The following DVL3 variants were observed in gnomAD, a reference collection of about 807,000 sequenced individuals.
The protein encoded by DVL3 is dishevelled segment polarity protein 3, also known as segment polarity protein dishevelled homolog DVL-3.
Under a neutral mutation model 67.4 loss-of-function variants are expected in DVL3, and 27 were observed. The observed-to-expected ratio is 0.40, with a 90% confidence interval of 0.30 to 0.55. The LOEUF is 0.55. DVL3 is among the 20% of genes least tolerant of loss of function. DVL3 has a pLI of 0.46. For synonymous variants in DVL3, 369 were observed against 396.8 expected, an observed-to-expected ratio of 0.93 and a Z score of 0.83; for missense variants, 819 against 1,021.5, an observed-to-expected ratio of 0.80 and a Z score of 2.70.
At position 184,167,220 on chromosome 3, in the gene DVL3, C is replaced by A. The variant is rs780122784; in HGVS notation, c.1198+245C>A. Among the ~76,000 whole-genome samples, 1 of 152,130 alleles carries A rather than the reference C, an allele frequency of 6.6e-6. No homozygotes were observed. Among genetic ancestry groups the A allele is most frequent in the Non-Finnish European group, 1.5e-5 (1 of 68,030 alleles). On this transcript the variant is annotated intron_variant, in intron 11 of 14. Coordinates refer to ENST00000313143, the MANE Select transcript of DVL3 (RefSeq NM_004423.4). The surrounding 1 kb of genome is among the most constrained non-coding windows in gnomAD (Gnocchi z 4.6). The stretch of plus-strand genomic sequence containing the variant: ...GTTTCCTCTTACAAAATGGGACTCA[C>A]GATATAAACTTTACCAGGTTCCTGT...
rs896517683 is a variant in DVL3 at position 184,166,270 on chromosome 3, C to A, written c.903+5C>A. On this transcript the variant is annotated splice_donor_5th_base_variant and intron_variant, in intron 8 of 14. Coordinates refer to ENST00000313143, the MANE Select transcript of DVL3 (RefSeq NM_004423.4). This position sits in a 1 kb window ranked among gnomAD's most constrained non-coding sequence, Gnocchi z 6.7. ...CCAGGAGATATGTTGTTACAGGTATCAGTGCCCATCCTAGGCGGTGGTGTG... is the reference window on the plus strand; with the variant it reads ...CCAGGAGATATGTTGTTACAGGTATAAGTGCCCATCCTAGGCGGTGGTGTG... The A allele has an allele frequency of 1.1e-5, 18 of 1,612,066 alleles. No individual in the cohort carries two copies. The highest frequency in any genetic ancestry group is 1.5e-5 in the Non-Finnish European group (18 of 1,179,268).
chr3:184,158,775 T>C (rs1016519457), intron 1 of DVL3, among the ~76,000 whole-genome samples: 3 of 135,524 alleles, frequency 2.2e-5, no homozygotes, highest in Admixed American at 2.1e-4. Context: ...TTTAAATTTT[T>C]TTTCTTTTTT....
intron 1 of DVL3, chr3:184,156,583 G>A (rs1462365047): frequency 4.9e-6 from 2 of 410,684 alleles, no homozygotes; most frequent in Non-Finnish European, 9.7e-6. Flanking sequence ...CTCCCTGGTG[G>A]GGTCTTCCCT....
Position 184,164,534 on chromosome 3 carries a change from C to G in DVL3, c.396C>G (p.Asp132Glu). Reference sequence around the variant, plus strand: ...GCAGCCAGGAGAACCTGGACAATGACACAGAGACGGACTCTTTGGTGTCTG... The same window carrying G: ...GCAGCCAGGAGAACCTGGACAATGAGACAGAGACGGACTCTTTGGTGTCTG... ...GGGSQENLDN[D>E]TETDSLVSAQ... Residue 132 changes from aspartate to glutamate, a missense_variant, in exon 4 of 15, where the codon GAC becomes GAG. Coordinates refer to ENST00000313143, the MANE Select transcript of DVL3 (RefSeq NM_004423.4). This position sits in a 1 kb window ranked among gnomAD's most constrained non-coding sequence, Gnocchi z 5.3. The G allele has an allele frequency of 6.3e-7, 1 of 1,587,724 alleles. No individual in the cohort carries two copies. The highest frequency in any genetic ancestry group is 8.6e-7 in the Non-Finnish European group (1 of 1,167,184).
chr3:184,170,787 C>T lies in DVL3; in HGVS notation c.*32C>T. The stretch of plus-strand genomic sequence containing the variant: ...CCCCTCCCCCAGCTCCATTCCGCTC[C>T]CACCCCAGCCGGCTGCGTTCCTCTC... On this transcript the variant is annotated 3_prime_UTR_variant, in exon 15 of 15. Transcript: ENST00000313143. The surrounding 1 kb of genome is among the most constrained non-coding windows in gnomAD (Gnocchi z 6.5). 6.2e-7 allele frequency: 1 copy of T among 1,609,862 alleles called. No individual in the cohort carries two copies. The highest frequency in any genetic ancestry group is 8.5e-7 in the Non-Finnish European group (1 of 1,178,496).
chr3:184,160,390 G>T (rs1401654526), intron 1 of DVL3, among the ~76,000 whole-genome samples: 1 of 152,162 alleles, frequency 6.6e-6, no homozygotes, highest in East Asian at 1.9e-4. Flanking sequence ...CTGTATGCCT[G>T]GATCATGCCA....
In DVL3 at chr3:184,164,876, A is replaced by G; in HGVS notation, c.544A>G (p.Ser182Gly). 1 of 1,614,220 alleles carries G rather than the reference A, an allele frequency of 6.2e-7. No individual in the cohort carries two copies. Among genetic ancestry groups the G allele is most frequent in the Non-Finnish European group, 8.5e-7 (1 of 1,180,038 alleles). The change falls in exon 5 of 15, where the codon AGT becomes GGT. Residue 182 changes from serine (S) to glycine (G), a missense_variant. Ser to Gly is a moderately conservative substitution (Grantham distance 56). This residue lies in a region of DVL3 where 385 missense variants were observed against 486.8 expected (regional missense o/e 0.79). Coordinates refer to ENST00000313143, the MANE Select transcript of DVL3 (RefSeq NM_004423.4). This position sits in a 1 kb window ranked among gnomAD's most constrained non-coding sequence, Gnocchi z 5.3. Reference sequence around the variant, plus strand: ...TGATAGCTCATCCACCCTTATGAGCAGTGAGCTGGAGACCACCAGCTTCTT... The same window carrying G: ...TGATAGCTCATCCACCCTTATGAGCGGTGAGCTGGAGACCACCAGCTTCTT... ...GYDSSSTLMS[S>G]ELETTSFFDS...
At position 184,165,726 on chromosome 3, in the gene DVL3, A is replaced by G. The variant is rs1346362937; in HGVS notation, c.763+235A>G. ...CAGGGAAGGCTTCCTGGAGGAAGTG[A>G]TTTCTGAGTGCCCACTCCTTCACAT... is the stretch of plus-strand genomic sequence containing the variant. On this transcript the variant is annotated intron_variant, in intron 7 of 14. Transcript: ENST00000313143. This position sits in a 1 kb window ranked among gnomAD's most constrained non-coding sequence, Gnocchi z 4.1. 6.6e-6 allele frequency among the ~76,000 whole-genome samples: 1 copy of G among 152,164 alleles called. No homozygotes were observed.
intron 1 of DVL3, among the ~76,000 whole-genome samples, chr3:184,162,786 C>T (rs551140268): frequency 1.3e-5 from 2 of 152,052 alleles, no homozygotes; most frequent in Non-Finnish European, 2.9e-5. Context: ...ACATTCTTTC[C>T]TATATAATAA....
chr3:184,166,557 G>A lies in DVL3; in HGVS notation c.980+35G>A, dbSNP rs1025976747. The A allele has an allele frequency of 6.2e-7, 1 of 1,614,048 alleles. No homozygotes were observed. The highest frequency in any genetic ancestry group is 1.3e-5 in the African/African-American group (1 of 74,912). On this transcript the variant is annotated intron_variant, in intron 9 of 14. Coordinates refer to ENST00000313143, the MANE Select transcript of DVL3 (RefSeq NM_004423.4). This position sits in a 1 kb window ranked among gnomAD's most constrained non-coding sequence, Gnocchi z 6.7. Reference sequence around the variant, plus strand: ...GAATGGGGCACTGGGCAAGGGGCTTGGTCTGGCCTATACGCATCCTGCCTT... The same window carrying A: ...GAATGGGGCACTGGGCAAGGGGCTTAGTCTGGCCTATACGCATCCTGCCTT...
Position 184,167,933 on chromosome 3 carries a change from G to T in DVL3, c.1366G>T (p.Glu456Ter). 6.2e-7 allele frequency: 1 copy of T among 1,614,280 alleles called. No individual in the cohort carries two copies. Among genetic ancestry groups the T allele is most frequent in the Non-Finnish European group, 8.5e-7 (1 of 1,180,050 alleles). The change falls in exon 13 of 15, where the codon GAA (glutamate) becomes TAA (stop). Residue 456 changes from glutamate (E) to a stop codon, truncating the protein, a stop_gained. Transcript: ENST00000313143. LOFTEE classifies it high-confidence loss of function. The surrounding 1 kb of genome is among the most constrained non-coding windows in gnomAD (Gnocchi z 4.6). ...DVVDWLYHNV[E>*]GFTDRREARK... ...GGTGGACTGGCTGTACCACAATGTG[G>T]AAGGCTTCACGGACCGGAGGGAGGC... is the stretch of plus-strand genomic sequence containing the variant.
chr3:184,170,984 A>C lies in DVL3; in HGVS notation c.*229A>C. The stretch of plus-strand genomic sequence containing the variant: ...CCCAGTTCGTTTCCTCTGCCCACTA[A>C]TCCCTGCGCAGGACTTCCCAGGACC... On this transcript the variant is annotated 3_prime_UTR_variant, in exon 15 of 15. Transcript: ENST00000313143. This position sits in a 1 kb window ranked among gnomAD's most constrained non-coding sequence, Gnocchi z 6.5. 34 of 1,481,330 alleles carry C rather than the reference A, an allele frequency of 2.3e-5. No individual in the cohort carries two copies. The highest frequency in any genetic ancestry group is 1.9e-4 in the East Asian group (7 of 36,516). 91.8% of individuals were successfully genotyped at this position (1,481,330 alleles called of 1,614,324 possible). A position where few individuals can be genotyped will look rare whatever the true frequency, so the allele number is the denominator to read the frequency against.
In DVL3 at chr3:184,170,432, C is replaced by A; in HGVS notation, c.1828C>A (p.Arg610Ser). The A allele has an allele frequency of 6.3e-7, 1 of 1,592,064 alleles. No homozygotes were observed. Among genetic ancestry groups the A allele is most frequent in the African/African-American group, 1.3e-5 (1 of 74,506 alleles). Residue 610 changes from arginine (R) to serine (S), a missense_variant, in exon 15 of 15, where the codon CGC (arginine) becomes AGC (serine). Arg to Ser is a moderately radical substitution (Grantham distance 110). Transcript: ENST00000313143. The surrounding 1 kb of genome is among the most constrained non-coding windows in gnomAD (Gnocchi z 6.5). ...GSGSESDHTT[R>S]SSLRGPRERA... ...CGGCAGCGAATCGGACCACACCACA[C>A]GCAGCAGCCTGCGGGGGCCGCGGGA...
intron 1 of DVL3, among the ~76,000 whole-genome samples, chr3:184,157,310 A>G (rs1473937056): frequency 6.6e-6 from 1 of 152,198 alleles, no homozygotes; most frequent in Non-Finnish European, 1.5e-5. Flanking sequence ...GGATCAAGCT[A>G]CTGCCTCCAC....
In DVL3 at chr3:184,160,984, G is replaced by A. The variant is rs1029551992; in HGVS notation, c.162-2673G>A. 2.0e-5 allele frequency among the ~76,000 whole-genome samples: 3 copies of A among 152,216 alleles called. No homozygotes were observed. In the East Asian group the frequency reaches 5.8e-4, roughly 29 times the overall value. ...AGGATGATTTGGGCTGCTTTCCGAG[G>A]GTCGCTGTGGCTCTGGGAATGATAG... On this transcript the variant is annotated intron_variant, in intron 1 of 14. Coordinates refer to ENST00000313143, the MANE Select transcript of DVL3 (RefSeq NM_004423.4).
intron 13 of DVL3, 26 bp downstream of exon 13, chr3:184,168,091 C>A: frequency 1.2e-6 from 2 of 1,601,670 alleles, no homozygotes; most frequent in Non-Finnish European, 1.7e-6. Flanking sequence ...ATCTTCTTGC[C>A]CTGTCTCCTG....
rs955789368 is a variant in DVL3 at position 184,166,380 on chromosome 3, C to T, written c.904-66C>T. 4.3e-6 allele frequency: 7 copies of T among 1,611,328 alleles called. No individual in the cohort carries two copies. In the African/African-American group the frequency reaches 9.3e-5, roughly 22 times the overall value. On this transcript the variant is annotated intron_variant, in intron 8 of 14. Transcript: ENST00000313143. This position sits in a 1 kb window ranked among gnomAD's most constrained non-coding sequence, Gnocchi z 6.7. ...GGTTGGGGGAAGACTCCCTGACCTA[C>T]CAAGTTGAGTTCCCTTTTCATCCTC...
In DVL3 at chr3:184,167,014, G is replaced by A. The variant is rs770860212; in HGVS notation, c.1198+39G>A. The A allele has an allele frequency of 1.9e-6, 3 of 1,607,820 alleles. No individual in the cohort carries two copies. Among genetic ancestry groups the A allele is most frequent in the South Asian group, 1.1e-5 (1 of 90,490 alleles). On this transcript the variant is annotated intron_variant, in intron 11 of 14. Coordinates refer to ENST00000313143, the MANE Select transcript of DVL3 (RefSeq NM_004423.4). The surrounding 1 kb of genome is among the most constrained non-coding windows in gnomAD (Gnocchi z 4.6). ...CCTGTCTCCTGGGCCCAGCAGACAG[G>A]GCCAGGTGGGGGGACTGATGAGGGT...
chr3:184,155,539 AGCCGCTGGGCCGC>A lies in DVL3; in HGVS notation c.-91_-79del. On this transcript the variant is annotated 5_prime_UTR_variant, in exon 1 of 15. Coordinates refer to ENST00000313143, the MANE Select transcript of DVL3 (RefSeq NM_004423.4). This position sits in a 1 kb window ranked among gnomAD's most constrained non-coding sequence, Gnocchi z 5.4. ...CGCCAGCAGCCGCCGAGCTGGGTTG[AGCCGCTGGGCCGC>A]GCCGCGCGCCGCCGCCGTCTGGGAG... 2 of 803,898 alleles carry A rather than the reference AGCCGCTGGGCCGC, an allele frequency of 2.5e-6. No homozygotes were observed. Among genetic ancestry groups the A allele is most frequent in the Non-Finnish European group, 3.0e-6 (2 of 665,216 alleles). 49.8% of individuals were successfully genotyped at this position (803,898 alleles called of 1,614,324 possible).
Sources: allele counts gnomAD v4.1 joint callset (sites outside exome capture counted in the v4.1 genomes callset), GRCh38; gene constraint gnomAD v4.1.1; regional missense constraint gnomAD v4.1.1; non-coding constraint Gnocchi (gnomAD v3.1); transcripts MANE v1.5; gene names NCBI Gene and HGNC (gene_info 2026-07-23, HGNC 2026-07-21).